The following RBMS1 variants were observed in gnomAD, a reference collection of about 807,000 sequenced individuals.
RBMS1 encodes the protein RNA binding motif single stranded interacting protein 1, also known as RNA-binding motif, single-stranded-interacting protein 1.
In RBMS1, 17 loss-of-function variants were observed where a neutral mutation model predicts 62.3. That is an observed-to-expected ratio of 0.27 (90% CI 0.19 to 0.41). RBMS1 has a LOEUF of 0.41. Ranked by LOEUF, RBMS1 falls within the 10% of genes least tolerant of loss-of-function variation. The pLI, the probability that RBMS1 is intolerant of heterozygous loss-of-function variation, is 1.00. For synonymous variants in RBMS1, 172 were observed against 170.0 expected, an observed-to-expected ratio of 1.01 and a Z score of -0.09; for missense variants, 334 against 504.5, an observed-to-expected ratio of 0.66 and a Z score of 3.24.
intron 1 of RBMS1, among the ~76,000 whole-genome samples, chr2:160,410,776 G>A (rs996318912): frequency 1.3e-5 from 2 of 152,048 alleles, no homozygotes; most frequent in African/African-American, 2.4e-5. Flanking sequence ...ACGAAGTCTC[G>A]CTCTGTTACC....
intron 2 of RBMS1, among the ~76,000 whole-genome samples, chr2:160,346,565 C>T (rs1692186168): frequency 1.3e-5 from 2 of 152,142 alleles, no homozygotes; most frequent in Non-Finnish European, 1.5e-5. Context: ...AAGCTTCCAT[C>T]ATCCGTCCAC....
At chr2:160,295,764 C>T (rs1688902562) in intron 6 of RBMS1, among the ~76,000 whole-genome samples, 1 of 152,214 alleles carries the variant, frequency 6.6e-6, no homozygotes, top group African/African-American at 2.4e-5. Flanking sequence ...ATCTGTGACA[C>T]CCTGAGATCT....
At chr2:160,437,186 C>A (rs1208455074) in intron 1 of RBMS1, among the ~76,000 whole-genome samples, 2 of 152,180 alleles carry the variant, frequency 1.3e-5, no homozygotes, top group Non-Finnish European at 2.9e-5. Flanking sequence ...CATCCCAGAA[C>A]TTCATGGTTG....
At chr2:160,331,414 C>T (rs1407888589) in intron 2 of RBMS1, among the ~76,000 whole-genome samples, 1 of 152,152 alleles carries the variant, frequency 6.6e-6, no homozygotes, top group African/African-American at 2.4e-5. Context: ...CTGCACTCTG[C>T]CCATGGCATC....
chr2:160,430,980 A>G (rs1682871000), intron 1 of RBMS1, among the ~76,000 whole-genome samples: 1 of 151,098 alleles, frequency 6.6e-6, no homozygotes, highest in Admixed American at 6.6e-5. Flanking sequence ...GTTACCTGTG[A>G]TATTGTATAT....
At chr2:160,398,541 A>G (rs990057911) in intron 1 of RBMS1, among the ~76,000 whole-genome samples, 7 of 152,346 alleles carry the variant, frequency 4.6e-5, no homozygotes, top group African/African-American at 1.7e-4. Context: ...GTGATTAGCC[A>G]TTTAGGCTGG....
chr2:160,324,938 A>G (rs1690838163), intron 2 of RBMS1, among the ~76,000 whole-genome samples: 1 of 146,228 alleles, frequency 6.8e-6, no homozygotes, highest in Admixed American at 6.8e-5. Context: ...ACACACACAC[A>G]TATATATGCG....
intron 1 of RBMS1, among the ~76,000 whole-genome samples, chr2:160,395,655 T>C (rs1033463492): frequency 2.7e-5 from 4 of 150,350 alleles, no homozygotes; most frequent in Admixed American, 2.6e-4. Flanking sequence ...AATCAGATGC[T>C]GAAAGAAGGA....
rs74972867 is a variant in RBMS1 at position 160,290,374 on chromosome 2, A to T, written c.641-3290T>A. Among the ~76,000 whole-genome samples, 935 of 152,162 alleles carry T rather than the reference A, an allele frequency of 6.1e-3. 16 individuals carry two copies. The highest frequency in any genetic ancestry group is 0.02 in the African/African-American group (811 of 41,504). On this transcript the variant is annotated intron_variant, in intron 6 of 13. Coordinates refer to ENST00000348849, the MANE Select transcript of RBMS1 (RefSeq NM_016836.4). ...AAATTAATATAAAAATTAATATGTA[A>T]CTGTCAATCTTCTATATGCATGGTT...
chr2:160,355,408 G>A lies in RBMS1; in HGVS notation c.251+11808C>T, dbSNP rs570619336. Among the ~76,000 whole-genome samples, 348 of 152,210 alleles carry A rather than the reference G, an allele frequency of 2.3e-3. 1 individual carries two copies. Among genetic ancestry groups the A allele is most frequent in the African/African-American group, 8.0e-3 (332 of 41,542 alleles). Reference sequence around the variant, plus strand: ...TTTGCAGTTTCCCCTGAGAGTAGATGAGAATTTCCAGGTAAGAATAAAAAC... The same window carrying A: ...TTTGCAGTTTCCCCTGAGAGTAGATAAGAATTTCCAGGTAAGAATAAAAAC... On this transcript the variant is annotated intron_variant, in intron 2 of 13. Transcript: ENST00000348849.
chr2:160,457,420 G>A (rs1176821921), intron 1 of RBMS1, among the ~76,000 whole-genome samples: 4 of 152,158 alleles, frequency 2.6e-5, no homozygotes, highest in African/African-American at 4.8e-5. Context: ...GTGAGCCACC[G>A]CGCGGTATCC....
intron 1 of RBMS1, among the ~76,000 whole-genome samples, chr2:160,471,188 G>A (rs1006666373): frequency 6.6e-6 from 1 of 152,012 alleles, no homozygotes; most frequent in Non-Finnish European, 1.5e-5. Flanking sequence ...AACTCAAAAG[G>A]GCAATAAATG....
At chr2:160,444,504 G>A (rs1683556663) in intron 1 of RBMS1, among the ~76,000 whole-genome samples, 2 of 152,146 alleles carry the variant, frequency 1.3e-5, no homozygotes, top group African/African-American at 4.8e-5. Flanking sequence ...TGATAAAGCT[G>A]TGAAATTACT....
intron 2 of RBMS1, among the ~76,000 whole-genome samples, chr2:160,331,570 T>C (rs1691275518): frequency 6.6e-6 from 1 of 152,186 alleles, no homozygotes; most frequent in Non-Finnish European, 1.5e-5. Context: ...ATAATAAACA[T>C]TTGACATTCA....
At chr2:160,312,286 A>G (rs1689968557) in intron 4 of RBMS1, among the ~76,000 whole-genome samples, 2 of 152,320 alleles carry the variant, frequency 1.3e-5, no homozygotes, top group Admixed American at 6.5e-5. Context: ...GAAGGACACA[A>G]TGACTGGCTG....
chr2:160,282,122 G>C, intron 9 of RBMS1: 1 of 783,364 alleles, frequency 1.3e-6, no homozygotes, highest in Non-Finnish European at 2.0e-6. Flanking sequence ...CAGAGTCTAA[G>C]TAATTTTATT....
chr2:160,493,570 TCTTCCTCCTCC>T lies in RBMS1; in HGVS notation c.-218_-208del. On this transcript the variant is annotated 5_prime_UTR_variant, in exon 1 of 14. Coordinates refer to ENST00000348849, the MANE Select transcript of RBMS1 (RefSeq NM_016836.4). ...CTCCTCCTCCTCCTCCTCCTCCTCCTCTTCCTCCTCCTCCTCCTCCTCCCAGGCAGAAAGAA... is the reference window on the plus strand; with the variant it reads ...CTCCTCCTCCTCCTCCTCCTCCTCCTTCCTCCTCCTCCCAGGCAGAAAGAA... 1.7e-6 allele frequency: 1 copy of T among 584,298 alleles called. No individual in the cohort carries two copies. The highest frequency in any genetic ancestry group is 3.0e-6 in the Non-Finnish European group (1 of 331,190). 36.2% of individuals were successfully genotyped at this position (584,298 alleles called of 1,614,324 possible).
intron 1 of RBMS1, among the ~76,000 whole-genome samples, chr2:160,394,081 A>G (rs772909147): frequency 6.6e-6 from 1 of 152,274 alleles, no homozygotes; most frequent in Non-Finnish European, 1.5e-5. Flanking sequence ...CACCAGAAAC[A>G]GTTGGTGAGG....
intron 6 of RBMS1, among the ~76,000 whole-genome samples, chr2:160,288,924 G>A (rs555867386): frequency 1.3e-5 from 2 of 151,390 alleles, no homozygotes; most frequent in East Asian, 2.0e-4. Context: ...GACAGTAAAT[G>A]ATCAGGTTGG....
Sources: allele counts gnomAD v4.1 joint callset (sites outside exome capture counted in the v4.1 genomes callset), GRCh38; gene constraint gnomAD v4.1.1; transcripts MANE v1.5; gene names NCBI Gene and HGNC (gene_info 2026-07-23, HGNC 2026-07-21).